The following KMT2A variants were observed in gnomAD, a reference collection of about 807,000 sequenced individuals.
The protein encoded by KMT2A is histone-lysine N-methyltransferase 2A.
Under a neutral mutation model 345.3 loss-of-function variants are expected in KMT2A, and 16 were observed. That is an observed-to-expected ratio of 0.05 (90% CI 0.03 to 0.07). KMT2A has a LOEUF of 0.07. KMT2A is among the 10% of genes least tolerant of loss of function. The pLI is 1.00. For missense variants in KMT2A, 3,272 were observed against 4,841.6 expected (o/e 0.68, Z 9.62); for synonymous variants, 1,599 against 1,778.6 (o/e 0.90, Z 2.54).
chr11:118,441,416 A>T (rs535265349), intron 1 of KMT2A, among the ~76,000 whole-genome samples: 12 of 152,184 alleles, frequency 7.9e-5, no homozygotes, highest in Non-Finnish European at 1.0e-4. Flanking sequence ...TTATAAGAAA[A>T]ATGAGGATAA....
Position 118,506,404 on chromosome 11 carries a change from ATCC to A in KMT2A, c.10515_10517del (p.Ser3506del), listed in dbSNP as rs782324904. ...TGGGACTGGAGCAGAACAAGGCTTTATCCTCAGCTGTGCAAGCCAGCCCCACCT... is the reference window on the plus strand; with the variant it reads ...TGGGACTGGAGCAGAACAAGGCTTTATCAGCTGTGCAAGCCAGCCCCACCT... On this transcript the variant is annotated inframe_deletion, in exon 27 of 36. Coordinates refer to ENST00000534358, the MANE Select transcript of KMT2A (RefSeq NM_001197104.2). 6 of 1,614,178 alleles carry A rather than the reference ATCC, an allele frequency of 3.7e-6. No individual in the cohort carries two copies. The Admixed American group carries it at 1.0e-4, about 27-fold the overall frequency.
At chr11:118,467,612 T>C (rs1949869749) in intron 1 of KMT2A, among the ~76,000 whole-genome samples, 1 of 152,208 alleles carries the variant, frequency 6.6e-6, no homozygotes, top group Non-Finnish European at 1.5e-5. Flanking sequence ...CTAAAAGTTA[T>C]ATATGTCTTT....
chr11:118,480,767 A>G (rs1950117099), intron 6 of KMT2A, among the ~76,000 whole-genome samples: 1 of 152,076 alleles, frequency 6.6e-6, no homozygotes, highest in South Asian at 2.1e-4. Context: ...CGCTCAAGCC[A>G]TCCTCCCACC....
In KMT2A at chr11:118,481,877, C is replaced by G. The variant is rs970901865; in HGVS notation, c.3797C>G (p.Pro1266Arg). 3.7e-6 allele frequency: 6 copies of G among 1,614,174 alleles called. No individual in the cohort carries two copies. Among genetic ancestry groups the G allele is most frequent in the Non-Finnish European group, 5.1e-6 (6 of 1,180,028 alleles). ...AGTAGTGAGCCTCCTCCACGAAAGC[C>G]CGTCGAGGAAAAGAGTGAAGAAGGG... ...KSSSEPPPRK[P>R]VEEKSEEGNV... Residue 1266 changes from proline (P) to arginine (R), a missense_variant, in exon 7 of 36, where the codon CCC becomes CGC. By Grantham distance (103) the Pro-to-Arg change is moderately radical (BLOSUM62 -2). Transcript: ENST00000534358.
intron 1 of KMT2A, among the ~76,000 whole-genome samples, chr11:118,452,503 G>A (rs2134203041): frequency 6.6e-6 from 1 of 152,258 alleles, no homozygotes; most frequent in East Asian, 1.9e-4. Context: ...CTGCACTCCA[G>A]CCTGGGCGAC....
intron 1 of KMT2A, chr11:118,448,238 TTGTAGCTTTTA>T (rs1318985749): frequency 6.6e-6 from 1 of 152,210 alleles, no homozygotes; most frequent in Non-Finnish European, 1.5e-5. Context: ...AAATAAGTAT[TTGTAGCTTTTA>T]TGTCCATTTT....
rs202162367 is a variant in KMT2A at position 118,498,310 on chromosome 11, G to A, written c.5803-60G>A. ...AATGGGATGAGTCTATAGAGGAGAC[G>A]GTAAACGTCTTAAAACATATGAAAG... is the stretch of plus-strand genomic sequence containing the variant. On this transcript the variant is annotated intron_variant, in intron 21 of 35. Transcript: ENST00000534358. The surrounding 1 kb of genome is among the most constrained non-coding windows in gnomAD (Gnocchi z 4.4). 3.6e-4 allele frequency: 542 copies of A among 1,495,720 alleles called. 3 individuals are homozygous for A. Among genetic ancestry groups the A allele is most frequent in the Admixed American group, 7.7e-4 (38 of 49,206 alleles). 92.7% of individuals were successfully genotyped at this position (1,495,720 alleles called of 1,614,324 possible). A position where few individuals can be genotyped will look rare whatever the true frequency, so the allele number is the denominator to read the frequency against.
In KMT2A at chr11:118,436,712, C is replaced by T. The variant is rs2134153684; in HGVS notation, c.200C>T (p.Ala67Val). Residue 67 changes from alanine to valine, a missense_variant, in exon 1 of 36, where the codon GCG becomes GTG. By Grantham distance (64) the Ala-to-Val change is moderately conservative (BLOSUM62 0). This residue lies in a region of KMT2A where 412 missense variants were observed against 511.0 expected (regional missense o/e 0.81). Coordinates refer to ENST00000534358, the MANE Select transcript of KMT2A (RefSeq NM_001197104.2). This position sits in a 1 kb window ranked among gnomAD's most constrained non-coding sequence, Gnocchi z 6.9. ...PPAVAAAAAAAGSSGAGVPGG... is the reference protein window; with the variant it reads ...PPAVAAAAAAVGSSGAGVPGG... Reference sequence around the variant, plus strand: ...GCTGTGGCGGCCGCGGCGGCGGCGGCGGGAAGCAGCGGGGCTGGGGTTCCA... The same window carrying T: ...GCTGTGGCGGCCGCGGCGGCGGCGGTGGGAAGCAGCGGGGCTGGGGTTCCA... The T allele has an allele frequency of 2.2e-6, 3 of 1,373,158 alleles. No individual in the cohort carries two copies. The highest frequency in any genetic ancestry group is 2.8e-6 in the Non-Finnish European group (3 of 1,058,876). The allele number at this position is 1,373,158 out of a possible 1,614,324, so 85.1% of individuals were successfully genotyped here.
Position 118,484,320 on chromosome 11 carries a change from G to C in KMT2A, c.4218+6G>C, listed in dbSNP as rs782476945. ...GGATCAGAGTGGACTTTAAGGTAAAGGTGTTCAGTGATCATAAAGTATATT... is the reference window on the plus strand; with the variant it reads ...GGATCAGAGTGGACTTTAAGGTAAACGTGTTCAGTGATCATAAAGTATATT... On this transcript the variant is annotated splice_donor_region_variant and intron_variant, in intron 9 of 35. Transcript: ENST00000534358. This position sits in a 1 kb window ranked among gnomAD's most constrained non-coding sequence, Gnocchi z 4.1. 12 of 1,613,570 alleles carry C rather than the reference G, an allele frequency of 7.4e-6. No individual in the cohort carries two copies. The South Asian group carries it at 1.3e-4, about 18-fold the overall frequency.
Position 118,494,232 on chromosome 11 carries a change from A to G in KMT2A, c.5179-56A>G. 1 of 897,946 alleles carries G rather than the reference A, an allele frequency of 1.1e-6. No individual in the cohort carries two copies. The highest frequency in any genetic ancestry group is 1.9e-6 in the Non-Finnish European group (1 of 538,264). The allele number at this position is 897,946 out of a possible 1,614,324, so 55.6% of individuals were successfully genotyped here. A position where few individuals can be genotyped will look rare whatever the true frequency, so the allele number is the denominator to read the frequency against. ...TGGATGATTAAGGAGGGAAGAGGAA[A>G]TGGTTTTCAGAGCACACTGTTTTAA... On this transcript the variant is annotated intron_variant, in intron 16 of 35. Coordinates refer to ENST00000534358, the MANE Select transcript of KMT2A (RefSeq NM_001197104.2). This position sits in a 1 kb window ranked among gnomAD's most constrained non-coding sequence, Gnocchi z 5.8.
At position 118,505,251 on chromosome 11, in the gene KMT2A, C is replaced by G; in HGVS notation, c.9359C>G (p.Thr3120Arg). The G allele has an allele frequency of 6.2e-7, 1 of 1,614,158 alleles. No homozygotes were observed. Among genetic ancestry groups the G allele is most frequent in the Non-Finnish European group, 8.5e-7 (1 of 1,180,026 alleles). Reference protein sequence around the residue: ...SVSSTPSVMETNTSVLGPMGG... With the variant: ...SVSSTPSVMERNTSVLGPMGG... ...AGTTCTACACCCAGTGTGATGGAGACAAATACTTCAGTATTGGGACCCATG... is the reference window on the plus strand; with the variant it reads ...AGTTCTACACCCAGTGTGATGGAGAGAAATACTTCAGTATTGGGACCCATG... The change falls in exon 27 of 36, where the codon ACA becomes AGA. Residue 3120 changes from threonine (T) to arginine (R), a missense_variant. Physicochemically the swap from Thr to Arg is moderately conservative, Grantham distance 71 (BLOSUM62 -1). Around this residue, in one of 27 missense-constraint regions of KMT2A, gnomAD observed 748 missense variants for 922.2 expected, o/e 0.81. Transcript: ENST00000534358. The surrounding 1 kb of genome is among the most constrained non-coding windows in gnomAD (Gnocchi z 4.6).
rs545276311 is a variant in KMT2A, at chr11:118,495,261, C to T, written c.5364-439C>T. On this transcript the variant is annotated intron_variant, in intron 18 of 35. Coordinates refer to ENST00000534358, the MANE Select transcript of KMT2A (RefSeq NM_001197104.2). The surrounding 1 kb of genome is among the most constrained non-coding windows in gnomAD (Gnocchi z 4.1). ...ACAACCTCCGCCTCCCTGGTTCAAGCGATTCTCCTCCCTCAGCCTCCCAAG... is the reference window on the plus strand; with the variant it reads ...ACAACCTCCGCCTCCCTGGTTCAAGTGATTCTCCTCCCTCAGCCTCCCAAG... Among the ~76,000 whole-genome samples, 78 of 151,866 alleles carry T rather than the reference C, an allele frequency of 5.1e-4. No individual in the cohort carries two copies. The highest frequency in any genetic ancestry group is 1.1e-3 in the African/African-American group (47 of 41,366).
intron 1 of KMT2A, among the ~76,000 whole-genome samples, chr11:118,451,102 G>A (rs1050326831): frequency 3.3e-5 from 5 of 151,444 alleles, no homozygotes; most frequent in South Asian, 2.1e-4. Context: ...TTGAAAAATC[G>A]AATTCATTTA....
intron 29 of KMT2A, 91 bp downstream of exon 29, chr11:118,509,291 T>TA: frequency 3.7e-6 from 4 of 1,084,488 alleles, no homozygotes; most frequent in South Asian, 1.5e-5. Context: ...TTTTCTACAT[T>TA]TAAAAAAAAA....
At chr11:118,463,016 C>T (rs1311997750) in intron 1 of KMT2A, among the ~76,000 whole-genome samples, 1 of 152,142 alleles carries the variant, frequency 6.6e-6, no homozygotes, top group Non-Finnish European at 1.5e-5. Flanking sequence ...GAATACATTG[C>T]AGTTAGGATT....
chr11:118,507,654 TC>T, intron 28 of KMT2A, 45 bp downstream of exon 28: 1 of 1,498,558 alleles, frequency 6.7e-7, no homozygotes, highest in Non-Finnish European at 9.3e-7. Flanking sequence ...CTCAGTTTTG[TC>T]CACCTCATTT....
At chr11:118,461,832 C>T (rs999192384) in intron 1 of KMT2A, among the ~76,000 whole-genome samples, 1 of 152,234 alleles carries the variant, frequency 6.6e-6, no homozygotes, top group Non-Finnish European at 1.5e-5. Flanking sequence ...AGCCAACACT[C>T]TTACCTTGTT....
rs1950563289 is a variant in KMT2A, at chr11:118,505,378, C to A, written c.9486C>A (p.His3162Gln). 1.9e-6 allele frequency: 3 copies of A among 1,614,152 alleles called. No individual in the cohort carries two copies. The highest frequency in any genetic ancestry group is 2.5e-6 in the Non-Finnish European group (3 of 1,180,018). The change falls in exon 27 of 36, where the codon CAC becomes CAA. Residue 3162 changes from histidine to glutamine, a missense_variant. Physicochemically the swap from His to Gln is conservative, Grantham distance 24. This residue lies in a region of KMT2A where 748 missense variants were observed against 922.2 expected (regional missense o/e 0.81). Transcript: ENST00000534358. This position sits in a 1 kb window ranked among gnomAD's most constrained non-coding sequence, Gnocchi z 4.6. ...ASKGLLPMSH[H>Q]QHLHSFPAAT... The stretch of plus-strand genomic sequence containing the variant: ...AAGGATTGCTACCCATGTCTCATCA[C>A]CAGCACTTACATTCCTTCCCTGCAG...
At position 118,488,730 on chromosome 11, in the gene KMT2A, C is replaced by T. The variant is rs200629846; in HGVS notation, c.4449C>T (p.His1483=). The T allele has an allele frequency of 1.9e-6, 3 of 1,614,098 alleles. No homozygotes were observed. Among genetic ancestry groups the T allele is most frequent in the African/African-American group, 1.3e-5 (1 of 75,042 alleles). ...GTTGTCGTCGTTGCAAATTCTGTCACGTTTGTGGAAGGCAACATCAGGCTA... is the reference window on the plus strand; with the variant it reads ...GTTGTCGTCGTTGCAAATTCTGTCATGTTTGTGGAAGGCAACATCAGGCTA... The part of the protein sequence containing the change: ...NWCCRRCKFC[H]VCGRQHQATK... The change falls in exon 11 of 36, where the codon CAC becomes CAT. Residue 1483 remains histidine, a synonymous_variant. Coordinates refer to ENST00000534358, the MANE Select transcript of KMT2A (RefSeq NM_001197104.2).
Sources: gnomAD v4.1 joint callset for allele counts (sites outside exome capture counted in the v4.1 genomes callset) on GRCh38, gnomAD v4.1.1 for gene constraint, gnomAD v4.1.1 regional missense constraint, Gnocchi (gnomAD v3.1) non-coding constraint, MANE v1.5 for transcripts, NCBI Gene and HGNC (gene_info 2026-07-23, HGNC 2026-07-21) for gene names.